Variants in OIT3 observed in about 807,000 individuals in gnomAD.
The protein encoded by OIT3 is oncoprotein-induced transcript 3 protein.
In OIT3, 41 loss-of-function variants were observed where a neutral mutation model predicts 52.2. The ratio of observed to expected loss-of-function variants is 0.79; its 90% CI spans 0.61 to 1.02. OIT3 has a LOEUF of 1.02. Among genes scored for constraint, OIT3 ranks in the 50% least tolerant of loss-of-function variants. The probability of loss-of-function intolerance (pLI) is 0.00; values close to 1 mark genes in which losing one functional copy is unlikely to be tolerated. For synonymous variants in OIT3, 244 were observed against 276.9 expected (o/e 0.88, Z 1.18); for missense variants, 634 against 715.5 (o/e 0.89, Z 1.30).
chr10:72,932,589 G>A lies in OIT3; in HGVS notation c.*65G>A, dbSNP rs574369243. The A allele has an allele frequency of 8.9e-5, 128 of 1,431,262 alleles. 4 individuals carry two copies. The East Asian group carries it at 2.6e-3, about 29-fold the overall frequency. 88.7% of individuals were successfully genotyped at this position (1,431,262 alleles called of 1,614,324 possible). A position where few individuals can be genotyped will look rare whatever the true frequency, so the allele number is the denominator to read the frequency against. Reference sequence around the variant, plus strand: ...GCTCTTTGGAGCTTCTCCCCCCACCGCCCTCTAAGAACATCTGCCAACAGC... The same window carrying A: ...GCTCTTTGGAGCTTCTCCCCCCACCACCCTCTAAGAACATCTGCCAACAGC... On this transcript the variant is annotated 3_prime_UTR_variant, in exon 9 of 9. Transcript: ENST00000334011.
chr10:72,917,039 T>G (rs1364913785), intron 6 of OIT3, among the ~76,000 whole-genome samples: 1 of 152,194 alleles, frequency 6.6e-6, no homozygotes, highest in Non-Finnish European at 1.5e-5. Flanking sequence ...TATAAATTTC[T>G]TTAAGTTTCT....
chr10:72,926,859 T>G (rs1846173917), intron 7 of OIT3, among the ~76,000 whole-genome samples: 2 of 152,220 alleles, frequency 1.3e-5, no homozygotes, highest in South Asian at 4.1e-4. Flanking sequence ...AAAAAATAAC[T>G]TTAGTAGAGT....
At chr10:72,896,201 G>T (rs895167496) in intron 1 of OIT3, among the ~76,000 whole-genome samples, 1 of 152,164 alleles carries the variant, frequency 6.6e-6, no homozygotes. Flanking sequence ...GTTACTGAGA[G>T]AGGTTTAGGA....
intron 6 of OIT3, 123 bp downstream of exon 6, chr10:72,913,591 C>T: frequency 2.5e-6 from 2 of 810,774 alleles, no homozygotes. Flanking sequence ...AAGAACTGAG[C>T]TCAAAACATC....
chr10:72,920,697 A>G (rs2132944362), intron 6 of OIT3, among the ~76,000 whole-genome samples: 1 of 152,348 alleles, frequency 6.6e-6, no homozygotes, highest in East Asian at 1.9e-4. Context: ...CCCAAAAGTC[A>G]TTCAGAAGCA....
chr10:72,913,541 G>A, intron 6 of OIT3, 73 bp downstream of exon 6: 1 of 1,196,374 alleles, frequency 8.4e-7, no homozygotes, highest in African/African-American at 1.5e-5. Context: ...ACAGAGGTAT[G>A]CCATGTGGCT....
chr10:72,920,910 G>A (rs1338383959), intron 6 of OIT3, among the ~76,000 whole-genome samples: 1 of 152,118 alleles, frequency 6.6e-6, no homozygotes, highest in Non-Finnish European at 1.5e-5. Context: ...GTTGTTTTGG[G>A]GTGGAGACTT....
At chr10:72,895,132 G>T (rs1046449787) in intron 1 of OIT3, among the ~76,000 whole-genome samples, 6 of 152,068 alleles carry the variant, frequency 3.9e-5, no homozygotes, top group Non-Finnish European at 7.4e-5. Flanking sequence ...CTGGGTGTGG[G>T]GTATGTGGGA....
At chr10:72,914,399 G>A (rs1279445453) in intron 6 of OIT3, among the ~76,000 whole-genome samples, 4 of 152,162 alleles carry the variant, frequency 2.6e-5, no homozygotes, top group Non-Finnish European at 5.9e-5. Context: ...GGATCAGCAC[G>A]GAGGCCTTTG....
In OIT3 at chr10:72,906,684, C is replaced by A. The variant is rs150040732; in HGVS notation, c.633C>A (p.Gly211=). Residue 211 remains glycine (G), a synonymous_variant, in exon 4 of 9, where the codon GGC becomes GGA. Coordinates refer to ENST00000334011, the MANE Select transcript of OIT3 (RefSeq NM_152635.3). ...KNSYRCECGV[G]RVLRSDGKTC... is the part of the protein sequence containing the mutation. Reference sequence around the variant, plus strand: ...CCTACCGCTGTGAGTGTGGGGTTGGCCGTGTGCTAAGAAGTGATGGCAAGA... The same window carrying A: ...CCTACCGCTGTGAGTGTGGGGTTGGACGTGTGCTAAGAAGTGATGGCAAGA... 3.1e-6 allele frequency: 5 copies of A among 1,606,892 alleles called. No individual in the cohort carries two copies. In the African/African-American group the frequency reaches 6.7e-5, roughly 22 times the overall value.
chr10:72,926,163 C>T (rs997714609), intron 7 of OIT3, among the ~76,000 whole-genome samples: 34 of 152,204 alleles, frequency 2.2e-4, no homozygotes, highest in African/African-American at 5.3e-4. Context: ...TGGTCCAGTA[C>T]GAGCAGCTCA....
At chr10:72,929,646 A>G (rs961408730) in intron 7 of OIT3, among the ~76,000 whole-genome samples, 1 of 151,870 alleles carries the variant, frequency 6.6e-6, no homozygotes, top group African/African-American at 2.4e-5. Context: ...GGCTCAAGCA[A>G]TCCTGCCACC....
rs1589524942 is a variant in OIT3, at chr10:72,911,971, A to T, written c.790+132A>T. The T allele has an allele frequency of 5.8e-6, 4 of 684,158 alleles. No individual in the cohort carries two copies. The East Asian group carries it at 8.5e-5, about 14-fold the overall frequency. The allele number at this position is 684,158 out of a possible 1,614,324, so 42.4% of individuals were successfully genotyped here. A position where few individuals can be genotyped will look rare whatever the true frequency, so the allele number is the denominator to read the frequency against. ...AACAATGGCTCTTCGAGCAGTGTGT[A>T]TTGCTGAATCATCACTCTGGAATCA... On this transcript the variant is annotated intron_variant, in intron 5 of 8. Transcript: ENST00000334011.
chr10:72,895,264 G>C (rs1489730348), intron 1 of OIT3, among the ~76,000 whole-genome samples: 1 of 152,150 alleles, frequency 6.6e-6, no homozygotes, highest in Non-Finnish European at 1.5e-5. Context: ...GGGTCGCTCA[G>C]AAAGTTGTCC....
Position 72,893,781 on chromosome 10 carries a change from G to C in OIT3, c.-18G>C, listed in dbSNP as rs747281934. 4 of 1,599,942 alleles carry C rather than the reference G, an allele frequency of 2.5e-6. No individual in the cohort carries two copies. The Admixed American group carries it at 7.0e-5, about 28-fold the overall frequency. ...ATTAAGAGGATTTTCCAGTGTTTCTGGCAGTTGGTCCAGAAGGATGCCTCC... is the reference window on the plus strand; with the variant it reads ...ATTAAGAGGATTTTCCAGTGTTTCTCGCAGTTGGTCCAGAAGGATGCCTCC... On this transcript the variant is annotated 5_prime_UTR_variant, in exon 1 of 9. Transcript: ENST00000334011.
chr10:72,932,486 C>T lies in OIT3; in HGVS notation c.1600C>T (p.Leu534=), dbSNP rs1846225988. Residue 534 remains leucine (L), a synonymous_variant, in exon 9 of 9, where the codon CTA becomes TTA. Coordinates refer to ENST00000334011, the MANE Select transcript of OIT3 (RefSeq NM_152635.3). ...CTCAGCCGGTCTACAGGGCCAGACG[C>T]TAACAGGCGGCCCGATCCGCATCGA... ...EDSAGLQGQT[L]TGGPIRIDWE... 6.2e-7 allele frequency: 1 copy of T among 1,612,672 alleles called. No individual in the cohort carries two copies. The highest frequency in any genetic ancestry group is 8.5e-7 in the Non-Finnish European group (1 of 1,179,406).
At chr10:72,918,105 G>A (rs1589527600) in intron 6 of OIT3, 2 of 1,355,828 alleles carry the variant, frequency 1.5e-6, no homozygotes, top group East Asian at 4.6e-5. Context: ...ACCTCCAGGG[G>A]CAGACTGCTT....
At chr10:72,897,032 G>T (rs1845880725) in intron 1 of OIT3, among the ~76,000 whole-genome samples, 1 of 151,998 alleles carries the variant, frequency 6.6e-6, no homozygotes, top group African/African-American at 2.4e-5. Flanking sequence ...TTGTTTGTTT[G>T]TTTATTTATG....
intron 4 of OIT3, among the ~76,000 whole-genome samples, chr10:72,908,511 C>T (rs955386337): frequency 2.6e-5 from 4 of 152,110 alleles, no homozygotes; most frequent in African/African-American, 4.8e-5. Flanking sequence ...ACAAACTTTG[C>T]ATTATTAACT....
Sources: allele counts gnomAD v4.1 joint callset (sites outside exome capture counted in the v4.1 genomes callset), GRCh38; gene constraint gnomAD v4.1.1; transcripts MANE v1.5; gene names NCBI Gene and HGNC (gene_info 2026-07-23, HGNC 2026-07-21).